Variants in NPIPB11 observed in about 807,000 individuals in gnomAD.
NPIPB11 encodes the protein nuclear pore complex-interacting protein family member B11.
NPIPB11 carries 17 observed loss-of-function variants against 32.8 expected under a neutral mutation model. The ratio of observed to expected loss-of-function variants is 0.52; its 90% CI spans 0.35 to 0.78. The LOEUF (loss-of-function observed/expected upper bound fraction) is 0.78, where lower values mean the gene tolerates loss of function less well. NPIPB11 is among the 30% of genes least tolerant of loss of function. The pLI is 0.01. For missense variants in NPIPB11, 537 were observed against 1,000.4 expected (o/e 0.54, Z 6.25); for synonymous variants, 209 against 398.4 (o/e 0.52, Z 5.66).
chr16:29,400,347 G>A (rs976229698), intron 2 of NPIPB11, among the ~76,000 whole-genome samples: 8 of 151,838 alleles, frequency 5.3e-5, no homozygotes, highest in Non-Finnish European at 7.4e-5. Flanking sequence ...CCTTGCAGGG[G>A]GTCCCTCATG....
upstream of NPIPB11, among the ~76,000 whole-genome samples, chr16:29,404,766 C>G (rs1397218807): frequency 6.7e-6 from 1 of 148,414 alleles, no homozygotes; most frequent in Non-Finnish European, 1.5e-5. Context: ...CTGGGTGATG[C>G]CAGGGCAGTG....
At chr16:29,402,720 CTCTCTGTGTGTGTGTGTGTG>C (rs1418608174) in intron 2 of NPIPB11, among the ~76,000 whole-genome samples, 17 of 117,128 alleles carry the variant, frequency 1.5e-4, no homozygotes, top group African/African-American at 6.0e-4. Flanking sequence ...CTCTCTCTCT[CTCTCTGTGTGTGTGTGTGTG>C]TGTGTGTGTG....
intron 2 of NPIPB11, among the ~76,000 whole-genome samples, chr16:29,394,441 T>G (rs923638781): frequency 6.6e-6 from 1 of 151,196 alleles, no homozygotes; most frequent in African/African-American, 2.4e-5. Context: ...TTTTTTTTTT[T>G]TTTTTTGAGA....
rs761855286 is a variant in NPIPB11, at chr16:29,383,060, G to A, written c.1872C>T (p.Tyr624=). 6 of 1,606,790 alleles carry A rather than the reference G, an allele frequency of 3.7e-6. No individual in the cohort carries two copies. In the African/African-American group the frequency reaches 5.5e-5, roughly 15 times the overall value. ...AGCGGAACCCGCAGATGCTCAGCAG[G>A]TATCTTGATATTATCATCTGCTGAG... The change falls in exon 8 of 8, where the codon TAC becomes TAT. Residue 624 remains tyrosine, a synonymous_variant. Coordinates refer to ENST00000524087, the Ensembl canonical transcript of NPIPB11.
intron 2 of NPIPB11, among the ~76,000 whole-genome samples, chr16:29,399,980 G>C (rs1485713160): frequency 6.6e-6 from 1 of 151,824 alleles, no homozygotes; most frequent in Admixed American, 6.6e-5. Context: ...AGGAGACTGA[G>C]GCAGGACAAT....
In NPIPB11 at chr16:29,397,878, C is replaced by T. The variant is rs1214317313; in HGVS notation, c.121-3802G>A. Among the ~76,000 whole-genome samples the T allele has an allele frequency of 5.6e-5, 4 of 71,684 alleles. 1 individual carries two copies. The highest frequency in any genetic ancestry group is 1.1e-4 in the African/African-American group (1 of 9,170). 47.0% of individuals were successfully genotyped at this position (71,684 alleles called of 152,430 possible). A position where few individuals can be genotyped will look rare whatever the true frequency, so the allele number is the denominator to read the frequency against. The stretch of plus-strand genomic sequence containing the variant: ...GAAGAAAGGGGTCTGGGAAAGGATC[C>T]GGTTCAAATTAAGTTCTCAAGCGCT... On this transcript the variant is annotated intron_variant, in intron 2 of 7. Coordinates refer to ENST00000524087, the Ensembl canonical transcript of NPIPB11.
chr16:29,383,133 C>G (rs1567269124), exon 8 of NPIPB11: 1 of 1,591,184 alleles, frequency 6.3e-7, no homozygotes, highest in Non-Finnish European at 8.5e-7. Context: ...CGGAAGGTCT[C>G]TTGAGATTAT....
exon 8 of NPIPB11, chr16:29,384,095 A>C (rs1419709236): frequency 6.2e-6 from 7 of 1,132,628 alleles, no homozygotes; most frequent in Non-Finnish European, 7.0e-6. Flanking sequence ...TGAGATTATC[A>C]TCCGCTGAGG....
chr16:29,389,845 C>T, intron 5 of NPIPB11, 96 bp downstream of exon 5: 3 of 1,566,520 alleles, frequency 1.9e-6, no homozygotes, highest in Non-Finnish European at 2.6e-6. Context: ...GAATTTGCCA[C>T]AAATATTGTA....
chr16:29,394,855 C>G (rs1390066913), intron 2 of NPIPB11, among the ~76,000 whole-genome samples: 1 of 150,622 alleles, frequency 6.6e-6, no homozygotes, highest in South Asian at 2.1e-4. Context: ...AAGTGATTCT[C>G]CTGCCTCAGC....
chr16:29,388,979 G>T (rs1963636902), intron 5 of NPIPB11, among the ~76,000 whole-genome samples: 2 of 144,874 alleles, frequency 1.4e-5, no homozygotes, highest in African/African-American at 2.6e-5. Flanking sequence ...TGCGGATCAT[G>T]ATGTCAGGAG....
upstream of NPIPB11, among the ~76,000 whole-genome samples, chr16:29,405,271 T>C (rs1056566568): frequency 1.3e-5 from 2 of 151,868 alleles, no homozygotes; most frequent in African/African-American, 2.4e-5. Context: ...TAAAAAATGT[T>C]ATTTAAAAAT....
intron 5 of NPIPB11, among the ~76,000 whole-genome samples, chr16:29,389,258 G>C (rs1229231547): frequency 6.7e-6 from 1 of 150,056 alleles, no homozygotes; most frequent in Non-Finnish European, 1.5e-5. Flanking sequence ...CAAGCTACTC[G>C]GGAGGCTGAG....
chr16:29,392,722 GAAA>G (rs982535187), intron 3 of NPIPB11, among the ~76,000 whole-genome samples: 311 of 107,316 alleles, frequency 2.9e-3, no homozygotes, highest in African/African-American at 0.01. Context: ...GGTGAGAAAA[GAAA>G]AAAAAAAAAG....
chr16:29,383,959 C>A, exon 8 of NPIPB11: 1 of 1,387,124 alleles, frequency 7.2e-7, no homozygotes. Flanking sequence ...AGATTATCAT[C>A]CGCTGAGGGT....
In NPIPB11 at chr16:29,383,815, T is replaced by C. The variant is rs377254039; in HGVS notation, c.1117A>G (p.Thr373Ala). The C allele has an allele frequency of 4.9e-6, 5 of 1,026,318 alleles. 1 individual carries two copies. Among genetic ancestry groups the C allele is most frequent in the East Asian group, 3.0e-5 (1 of 33,430 alleles). 63.6% of individuals were successfully genotyped at this position (1,026,318 alleles called of 1,614,324 possible). ...AGCGGCCCCCGCAGACGCTCGGCAG[T>C]TGTCTTGATATTATCATCTGCTGAG... The change falls in exon 8 of 8, where the codon ACT becomes GCT. Residue 373 changes from threonine to alanine, a missense_variant. Thr to Ala is a moderately conservative substitution (Grantham distance 58, BLOSUM62 0). Coordinates refer to ENST00000524087, the Ensembl canonical transcript of NPIPB11.
chr16:29,405,821 A>T (rs909297756), upstream of NPIPB11, among the ~76,000 whole-genome samples: 5 of 152,214 alleles, frequency 3.3e-5, no homozygotes, highest in African/African-American at 1.2e-4. Flanking sequence ...ATGTGTAATC[A>T]GGTGGCAAAT....
chr16:29,394,435 T>C (rs1365815037), intron 2 of NPIPB11, among the ~76,000 whole-genome samples: 3 of 150,772 alleles, frequency 2.0e-5, no homozygotes. Context: ...ACCTCTTTTT[T>C]TTTTTTTTTT....
At chr16:29,383,100 T>G in exon 8 of NPIPB11, 1 of 1,588,290 alleles carries the variant, frequency 6.3e-7, no homozygotes, top group Non-Finnish European at 8.5e-7. Flanking sequence ...GAGCTGAGGG[T>G]GGAAGGGGAG....
Sources: allele counts gnomAD v4.1 joint callset (sites outside exome capture counted in the v4.1 genomes callset), GRCh38; gene constraint gnomAD v4.1.1; transcripts MANE v1.5; gene names NCBI Gene and HGNC (gene_info 2026-07-23, HGNC 2026-07-21).